The following INSR variants were observed in gnomAD, a reference collection of about 807,000 sequenced individuals.
INSR encodes IR.
In INSR, 67 loss-of-function variants were observed where a neutral mutation model predicts 142.6. The observed-to-expected ratio is 0.47, with a 90% CI of 0.39 to 0.58. The LOEUF is 0.58. Ranked by LOEUF, INSR falls within the 20% of genes least tolerant of loss-of-function variation. The pLI is 0.00. For synonymous variants in INSR, 756 were observed against 743.1 expected, an observed-to-expected ratio of 1.02 and a Z score of -0.28; for missense variants, 1,248 against 1,833.2, an observed-to-expected ratio of 0.68 and a Z score of 5.83.
intron 2 of INSR, among the ~76,000 whole-genome samples, chr19:7,233,968 G>A (rs957879667): frequency 6.0e-5 from 9 of 150,474 alleles, no homozygotes; most frequent in Non-Finnish European, 8.9e-5. Flanking sequence ...GTGCAGTGGC[G>A]CAATCTCGGC....
At chr19:7,190,396 A>C (rs1974548105) in intron 2 of INSR, among the ~76,000 whole-genome samples, 1 of 139,164 alleles carries the variant, frequency 7.2e-6, no homozygotes, top group African/African-American at 2.8e-5. Flanking sequence ...TTTTTGAGAC[A>C]GAGTCTCACT....
intron 2 of INSR, among the ~76,000 whole-genome samples, chr19:7,257,721 G>GGGAA (rs988228442): frequency 1.3e-5 from 2 of 151,782 alleles, no homozygotes; most frequent in African/African-American, 2.4e-5. Context: ...GAAGGAAAGA[G>GGGAA]GGAAGGAAGG....
chr19:7,163,942 A>T (rs908136038), intron 8 of INSR, among the ~76,000 whole-genome samples: 1 of 145,792 alleles, frequency 6.9e-6, no homozygotes, highest in African/African-American at 2.6e-5. Context: ...AAAAAAAAAA[A>T]AAAAAAATTA....
intron 2 of INSR, among the ~76,000 whole-genome samples, chr19:7,238,339 G>A (rs1469049890): frequency 6.6e-6 from 1 of 152,112 alleles, no homozygotes; most frequent in East Asian, 1.9e-4. Context: ...GGAAAAAGAG[G>A]CCAGGCTCAG....
chr19:7,248,677 C>T (rs73492813), intron 2 of INSR, among the ~76,000 whole-genome samples: 7,231 of 151,466 alleles, frequency 0.048, 447 homozygotes, highest in African/African-American at 0.14. Flanking sequence ...ACAACCCACG[C>T]CATTCGACAC....
At chr19:7,286,434 T>A (rs1968346141) in intron 1 of INSR, among the ~76,000 whole-genome samples, 1 of 151,616 alleles carries the variant, frequency 6.6e-6, no homozygotes. Context: ...ATCACCCAGG[T>A]TGGAGTGCAG....
intron 2 of INSR, among the ~76,000 whole-genome samples, chr19:7,229,477 T>C (rs2145122443): frequency 6.6e-6 from 1 of 152,322 alleles, no homozygotes; most frequent in East Asian, 1.9e-4. Flanking sequence ...ACAAAACATT[T>C]CTAAGAACAG....
intron 20 of INSR, 73 bp downstream of exon 20, chr19:7,120,547 C>A: frequency 6.3e-7 from 1 of 1,589,246 alleles, no homozygotes; most frequent in Non-Finnish European, 8.6e-7. Flanking sequence ...AGGCTTCCTT[C>A]CCCCGCTCTT....
At chr19:7,153,222 CG>C (rs1973464234) in intron 9 of INSR, among the ~76,000 whole-genome samples, 1 of 906 alleles carries the variant, frequency 1.1e-3, no homozygotes, top group Non-Finnish European at 4.6e-3. Context: ...ACCACACACA[CG>C]CACCACACAC....
intron 10 of INSR, among the ~76,000 whole-genome samples, chr19:7,151,152 T>TCCTTTCTTTC (rs1973333564): frequency 9.0e-5 from 1 of 11,134 alleles, no homozygotes; most frequent in South Asian, 4.5e-3. Context: ...TCTCTTTCCT[T>TCCTTTCTTTC]TCTTTCTTTC....
intron 2 of INSR, among the ~76,000 whole-genome samples, chr19:7,266,860 A>T (rs1700144751): frequency 6.6e-6 from 1 of 152,096 alleles, no homozygotes; most frequent in African/African-American, 2.4e-5. Flanking sequence ...CTTTTTCCAA[A>T]TGTCTATTAT....
chr19:7,214,359 G>C (rs559995312), intron 2 of INSR, among the ~76,000 whole-genome samples: 4 of 152,324 alleles, frequency 2.6e-5, no homozygotes, highest in African/African-American at 9.6e-5. Context: ...TGGAAGGCAA[G>C]AGAAACTTCA....
At position 7,174,569 on chromosome 19, in the gene INSR, A is replaced by G; in HGVS notation, c.1123+14T>C. On this transcript the variant is annotated intron_variant, in intron 4 of 21. Coordinates refer to ENST00000302850, the MANE Select transcript of INSR (RefSeq NM_000208.4). The stretch of plus-strand genomic sequence containing the variant: ...CCCAACAGGCACCCCCGACGCCCAC[A>G]CAGAGACACTCACTGCCTCCTCGAA... The G allele has an allele frequency of 6.2e-7, 1 of 1,613,858 alleles. No individual in the cohort carries two copies. Among genetic ancestry groups the G allele is most frequent in the Non-Finnish European group, 8.5e-7 (1 of 1,179,894 alleles).
In INSR at chr19:7,166,518, C is replaced by T. The variant is rs1320715152; in HGVS notation, c.1611-114G>A. 4 of 1,138,190 alleles carry T rather than the reference C, an allele frequency of 3.5e-6. No homozygotes were observed. In the East Asian group the frequency reaches 7.6e-5, roughly 22 times the overall value. The allele number at this position is 1,138,190 out of a possible 1,614,324, so 70.5% of individuals were successfully genotyped here. A position where few individuals can be genotyped will look rare whatever the true frequency, so the allele number is the denominator to read the frequency against. Reference sequence around the variant, plus strand: ...ATAGGGTCACATGTTACTCACCCAACAATCTAATGCCACAAGAAAAAATAA... The same window carrying T: ...ATAGGGTCACATGTTACTCACCCAATAATCTAATGCCACAAGAAAAAATAA... On this transcript the variant is annotated intron_variant, in intron 7 of 21. Transcript: ENST00000302850. The surrounding 1 kb of genome is among the most constrained non-coding windows in gnomAD (Gnocchi z 4.1).
chr19:7,153,160 C>T (rs1340488301), intron 9 of INSR, among the ~76,000 whole-genome samples: 1 of 82,562 alleles, frequency 1.2e-5, no homozygotes. Flanking sequence ...CAACACACCA[C>T]ACATACACAC....
intron 1 of INSR, among the ~76,000 whole-genome samples, chr19:7,276,234 T>C (rs889247971): frequency 1.1e-4 from 17 of 151,294 alleles, no homozygotes; most frequent in African/African-American, 4.1e-4. Flanking sequence ...CAGCCTCAAA[T>C]TCCTGGGCTC....
intron 2 of INSR, among the ~76,000 whole-genome samples, chr19:7,194,703 T>C (rs891668781): frequency 7.7e-6 from 1 of 130,682 alleles, no homozygotes; most frequent in Non-Finnish European, 1.6e-5. Flanking sequence ...TTTTTTTTAG[T>C]GGAGAAGCGG....
chr19:7,287,663 C>T (rs747358557), intron 1 of INSR, among the ~76,000 whole-genome samples: 16 of 152,066 alleles, frequency 1.1e-4, no homozygotes, highest in South Asian at 2.1e-4. Flanking sequence ...CCTTGGAATC[C>T]GTATATTCAG....
At chr19:7,142,364 T>C (rs1179652322) in intron 12 of INSR, among the ~76,000 whole-genome samples, 2 of 116,996 alleles carry the variant, frequency 1.7e-5, no homozygotes, top group African/African-American at 6.9e-5. Flanking sequence ...TACTCCAGCC[T>C]GGGCGACAGA....
Sources: allele counts gnomAD v4.1 joint callset (sites outside exome capture counted in the v4.1 genomes callset), GRCh38; gene constraint gnomAD v4.1.1; non-coding constraint Gnocchi (gnomAD v3.1); transcripts MANE v1.5; gene names NCBI Gene and HGNC (gene_info 2026-07-23, HGNC 2026-07-21).